The following ARHGAP15 variants were observed in gnomAD, a reference collection of about 807,000 sequenced individuals.
ARHGAP15 encodes the protein Rho GTPase activating protein 15.
A neutral mutation model predicts 63.7 loss-of-function variants in ARHGAP15; 51 were observed. The ratio of observed to expected loss-of-function variants is 0.80; its 90% CI spans 0.64 to 1.01. The LOEUF is 1.01. Ranked by LOEUF, ARHGAP15 falls within the 50% of genes least tolerant of loss-of-function variation. The pLI, the probability that ARHGAP15 is intolerant of heterozygous loss-of-function variation, is 0.00. For synonymous variants in ARHGAP15, 191 were observed against 193.8 expected (o/e 0.99, Z 0.12); for missense variants, 560 against 564.6 (o/e 0.99, Z 0.08).
At chr2:143,347,404 G>T (rs1409464612) in intron 6 of ARHGAP15, among the ~76,000 whole-genome samples, 1 of 152,136 alleles carries the variant, frequency 6.6e-6, no homozygotes, top group Non-Finnish European at 1.5e-5. Flanking sequence ...CACAGGGCTG[G>T]TTTGTCGAAG....
chr2:143,256,700 T>C (rs988841295), intron 6 of ARHGAP15, among the ~76,000 whole-genome samples: 1 of 152,142 alleles, frequency 6.6e-6, no homozygotes. Flanking sequence ...ATTTGTATGA[T>C]GTTTAGCTTC....
chr2:143,375,288 C>G (rs1281291750), intron 6 of ARHGAP15, among the ~76,000 whole-genome samples: 8 of 152,138 alleles, frequency 5.3e-5, no homozygotes, highest in Admixed American at 2.6e-4. Context: ...ATAGAAATGT[C>G]ATTGGCCTCC....
At chr2:143,194,556 G>A (rs1037567603) in intron 2 of ARHGAP15, among the ~76,000 whole-genome samples, 18 of 152,142 alleles carry the variant, frequency 1.2e-4, no homozygotes, top group African/African-American at 3.1e-4. Flanking sequence ...TAAAAAATAC[G>A]TGATTCTACA....
chr2:143,628,076 G>A (rs1396376549), intron 12 of ARHGAP15, among the ~76,000 whole-genome samples: 1 of 151,888 alleles, frequency 6.6e-6, no homozygotes, highest in Non-Finnish European at 1.5e-5. Flanking sequence ...AAGAACATGG[G>A]GTATTTGGTT....
chr2:143,739,076 G>T (rs1284772460), intron 13 of ARHGAP15, among the ~76,000 whole-genome samples: 2 of 152,138 alleles, frequency 1.3e-5, no homozygotes, highest in South Asian at 2.1e-4. Context: ...ACCAGCTGCT[G>T]GTTTTTAAGC....
intron 6 of ARHGAP15, among the ~76,000 whole-genome samples, chr2:143,339,736 G>A (rs2105282911): frequency 6.6e-6 from 1 of 152,220 alleles, no homozygotes; most frequent in East Asian, 1.9e-4. Flanking sequence ...GACAATCTAT[G>A]ACTAAGATTC....
chr2:143,215,247 A>C (rs1692707602), intron 3 of ARHGAP15, among the ~76,000 whole-genome samples: 2 of 151,908 alleles, frequency 1.3e-5, no homozygotes, highest in South Asian at 4.2e-4. Context: ...CCCTCTAATA[A>C]AAAGACGTGC....
At position 143,338,594 on chromosome 2, in the gene ARHGAP15, T is replaced by G. The variant is rs750421605; in HGVS notation, c.474+87994T>G. Among the ~76,000 whole-genome samples the G allele has an allele frequency of 3.3e-5, 5 of 152,302 alleles. No individual in the cohort carries two copies. In the South Asian group the frequency reaches 1.0e-3, roughly 32 times the overall value. On this transcript the variant is annotated intron_variant, in intron 6 of 13. Coordinates refer to ENST00000295095, the MANE Select transcript of ARHGAP15 (RefSeq NM_018460.4). ...ATTGTACAGCTAATTTAGTATCAAA[T>G]TGTTAAATAATAAGAGTAGAGAGAC... is the stretch of plus-strand genomic sequence containing the variant.
chr2:143,497,492 T>G (rs1370164446), intron 9 of ARHGAP15, among the ~76,000 whole-genome samples: 2 of 152,184 alleles, frequency 1.3e-5, no homozygotes, highest in African/African-American at 4.8e-5. Flanking sequence ...CCTGCTGTTC[T>G]CCAGCAGGTG....
intron 13 of ARHGAP15, among the ~76,000 whole-genome samples, chr2:143,740,197 T>A (rs1232068846): frequency 6.6e-6 from 1 of 152,208 alleles, no homozygotes; most frequent in Non-Finnish European, 1.5e-5. Flanking sequence ...CTCATATACA[T>A]GAATCTACAA....
chr2:143,263,515 A>G (rs993844529), intron 6 of ARHGAP15, among the ~76,000 whole-genome samples: 1 of 152,122 alleles, frequency 6.6e-6, no homozygotes, highest in African/African-American at 2.4e-5. Context: ...TGTGTGCAGC[A>G]TCTCCATCTC....
chr2:143,436,374 A>G (rs1366992412), intron 7 of ARHGAP15, among the ~76,000 whole-genome samples: 1 of 152,202 alleles, frequency 6.6e-6, no homozygotes, highest in Admixed American at 6.5e-5. Flanking sequence ...TTGATACTTA[A>G]TTGCAAGCTT....
chr2:143,233,205 A>G (rs1693516417), intron 5 of ARHGAP15, among the ~76,000 whole-genome samples: 2 of 151,960 alleles, frequency 1.3e-5, no homozygotes, highest in African/African-American at 2.4e-5. Flanking sequence ...TTATTTCTCC[A>G]TGAACCTTGG....
intron 13 of ARHGAP15, among the ~76,000 whole-genome samples, chr2:143,765,445 T>C (rs1020946006): frequency 3.3e-5 from 5 of 152,118 alleles, no homozygotes; most frequent in Admixed American, 3.3e-4. Flanking sequence ...AAATTTGAAG[T>C]CTCAGATAAC....
intron 6 of ARHGAP15, among the ~76,000 whole-genome samples, chr2:143,316,924 C>T (rs1263385769): frequency 6.6e-6 from 1 of 152,130 alleles, no homozygotes; most frequent in Non-Finnish European, 1.5e-5. Context: ...TTATTGTTCC[C>T]ATTCAAAATT....
chr2:143,466,672 GT>G (rs1375006066), intron 8 of ARHGAP15, among the ~76,000 whole-genome samples: 1 of 151,980 alleles, frequency 6.6e-6, no homozygotes, highest in Non-Finnish European at 1.5e-5. Flanking sequence ...AATGTAAGTG[GT>G]TTTCATCTGT....
In ARHGAP15 at chr2:143,330,124, AAAAAAAAC is replaced by A. The variant is rs1558897982; in HGVS notation, c.474+79525_474+79532del. On this transcript the variant is annotated intron_variant, in intron 6 of 13. Transcript: ENST00000295095. ...AAAAAAAAAAAAAAAAAAAAAAAAA[AAAAAAAAC>A]CAAAAACAAAAAACTAAACTAATGA... 1.5e-4 allele frequency among the ~76,000 whole-genome samples: 13 copies of A among 84,174 alleles called. 2 individuals are homozygous for A. The highest frequency in any genetic ancestry group is 5.0e-4 in the Admixed American group (4 of 8,008). 55.2% of individuals were successfully genotyped at this position (84,174 alleles called of 152,430 possible). A position where few individuals can be genotyped will look rare whatever the true frequency, so the allele number is the denominator to read the frequency against.
intron 2 of ARHGAP15, among the ~76,000 whole-genome samples, chr2:143,184,291 G>GA (rs1156917991): frequency 1.3e-5 from 2 of 152,144 alleles, no homozygotes; most frequent in African/African-American, 4.8e-5. Context: ...GCATAGTCAA[G>GA]AAAGGGATAG....
At chr2:143,646,300 GA>G (rs1371939451) in intron 12 of ARHGAP15, among the ~76,000 whole-genome samples, 3 of 150,686 alleles carry the variant, frequency 2.0e-5, no homozygotes, top group South Asian at 2.1e-4. Context: ...GAATGCAAAA[GA>G]AAAAAAAAGA....
Sources: allele counts gnomAD v4.1 joint callset (sites outside exome capture counted in the v4.1 genomes callset), GRCh38; gene constraint gnomAD v4.1.1; transcripts MANE v1.5; gene names NCBI Gene and HGNC (gene_info 2026-07-23, HGNC 2026-07-21).